NHEJ1: variants seen among roughly 807,000 people sequenced by gnomAD.
NHEJ1 encodes non-homologous end joining factor 1.
NHEJ1 carries 22 observed loss-of-function variants against 39.4 expected under a neutral mutation model. The ratio of observed to expected loss-of-function variants is 0.56; its 90% CI spans 0.40 to 0.80. The LOEUF (loss-of-function observed/expected upper bound fraction) is 0.80, where lower values mean the gene tolerates loss of function less well. Among genes scored for constraint, NHEJ1 ranks in the 30% least tolerant of loss-of-function variants. NHEJ1 has a pLI of 0.00. For missense variants in NHEJ1, 329 were observed against 357.1 expected, an observed-to-expected ratio of 0.92 and a Z score of 0.63; for synonymous variants, 154 against 135.6, an observed-to-expected ratio of 1.14 and a Z score of -0.94.
chr2:219,078,377 G>A (rs1165229742), intron 5 of NHEJ1, among the ~76,000 whole-genome samples, 171 bp from the exon 6 acceptor site: 1 of 152,124 alleles, frequency 6.6e-6, no homozygotes, highest in African/African-American at 2.4e-5. Flanking sequence ...AAGATTTCTT[G>A]GGACATCTCC....
At chr2:219,115,914 G>A (rs186463324) in intron 5 of NHEJ1, among the ~76,000 whole-genome samples, 14 of 152,290 alleles carry the variant, frequency 9.2e-5, no homozygotes, top group African/African-American at 3.4e-4. Context: ...GAGGTCAAGA[G>A]ATCGAGACCA....
chr2:219,129,292 A>G (rs915025066), intron 5 of NHEJ1, among the ~76,000 whole-genome samples: 1 of 152,204 alleles, frequency 6.6e-6, no homozygotes, highest in African/African-American at 2.4e-5. Flanking sequence ...TTTAGAACCA[A>G]AGATCAAAAA....
intron 5 of NHEJ1, among the ~76,000 whole-genome samples, chr2:219,083,254 T>C (rs1457156364): frequency 1.3e-5 from 2 of 152,110 alleles, no homozygotes; most frequent in Admixed American, 1.3e-4. Flanking sequence ...AATGGTACTA[T>C]TACCATCCAA....
At chr2:219,128,301 C>T (rs191464885) in intron 5 of NHEJ1, among the ~76,000 whole-genome samples, 16 of 152,288 alleles carry the variant, frequency 1.1e-4, no homozygotes, top group Non-Finnish European at 8.8e-5. Flanking sequence ...AGTTTGAGTA[C>T]TATTGAACTT....
intron 5 of NHEJ1, among the ~76,000 whole-genome samples, chr2:219,118,794 C>G (rs1453119881): frequency 2.6e-5 from 4 of 152,174 alleles, no homozygotes; most frequent in African/African-American, 9.7e-5. Flanking sequence ...TGGAGACAGC[C>G]CGGCGGGCTT....
At chr2:219,159,611 A>ATGCATATATATATG (rs1313965775) in intron 1 of NHEJ1, among the ~76,000 whole-genome samples, 10 of 105,080 alleles carry the variant, frequency 9.5e-5, no homozygotes, top group African/African-American at 3.5e-4. Context: ...GCATATATAT[A>ATGCATATATATATG]CATATACGTG....
At chr2:219,079,670 T>G (rs959940661) in intron 5 of NHEJ1, among the ~76,000 whole-genome samples, 1 of 152,164 alleles carries the variant, frequency 6.6e-6, no homozygotes, top group East Asian at 1.9e-4. Context: ...CAGCATTCCC[T>G]GAGGAATGAA....
At chr2:219,116,279 CT>C (rs1327696869) in intron 5 of NHEJ1, among the ~76,000 whole-genome samples, 1 of 152,088 alleles carries the variant, frequency 6.6e-6, no homozygotes, top group African/African-American at 2.4e-5. Flanking sequence ...TTCTTGATTT[CT>C]TTTTTCTTTT....
intron 5 of NHEJ1, among the ~76,000 whole-genome samples, chr2:219,132,206 A>C (rs1019723416): frequency 2.0e-5 from 3 of 152,228 alleles, no homozygotes; most frequent in Non-Finnish European, 2.9e-5. Flanking sequence ...TGAGCAATGT[A>C]TTTATAAACT....
At chr2:219,097,867 C>G (rs1949223561) in intron 5 of NHEJ1, among the ~76,000 whole-genome samples, 1 of 152,094 alleles carries the variant, frequency 6.6e-6, no homozygotes, top group Non-Finnish European at 1.5e-5. Context: ...TGATCACCAA[C>G]AGAGCAAATG....
chr2:219,150,774 G>A lies in NHEJ1; in HGVS notation c.391-2979C>T, dbSNP rs1223296223. On this transcript the variant is annotated intron_variant, in intron 3 of 7. Transcript: ENST00000356853. ...AGTTCAAGATCAGCCTGGCCAACAC[G>A]GTGAAACCCCGTCTCTACTAAAAAT... is the stretch of plus-strand genomic sequence containing the variant. Among the ~76,000 whole-genome samples the A allele has an allele frequency of 6.6e-5, 10 of 152,048 alleles. No individual in the cohort carries two copies. The East Asian group carries it at 1.5e-3, about 23-fold the overall frequency.
Position 219,076,956 on chromosome 2 carries a change from T to C in NHEJ1, c.825+290A>G, listed in dbSNP as rs34828046. Among the ~76,000 whole-genome samples the C allele has an allele frequency of 0.032, 4,921 of 152,266 alleles. 130 individuals are homozygous for C. The highest frequency in any genetic ancestry group is 0.046 in the Non-Finnish European group (3,128 of 68,028). ...GTAGATTCCCTTCTCCCCCAAGGAATAGCCTCGCTGACTATCACTGGTCAT... is the reference window on the plus strand; with the variant it reads ...GTAGATTCCCTTCTCCCCCAAGGAACAGCCTCGCTGACTATCACTGGTCAT... On this transcript the variant is annotated intron_variant, in intron 7 of 7. Coordinates refer to ENST00000356853, the MANE Select transcript of NHEJ1 (RefSeq NM_024782.3).
In NHEJ1 at chr2:219,072,257, T is replaced by C. The variant is rs1254096132; in HGVS notation, c.*4124A>G. On this transcript the variant is annotated 3_prime_UTR_variant, in exon 8 of 8. Transcript: ENST00000356853. Reference sequence around the variant, plus strand: ...CCTGTAGCAGCTTCCAGGGCATCAATGCAGCTGGGAACCCCCCTCCTATAA... The same window carrying C: ...CCTGTAGCAGCTTCCAGGGCATCAACGCAGCTGGGAACCCCCCTCCTATAA... 6.6e-6 allele frequency among the ~76,000 whole-genome samples: 1 copy of C among 152,196 alleles called. No homozygotes were observed. Among genetic ancestry groups the C allele is most frequent in the African/African-American group, 2.4e-5 (1 of 41,444 alleles).
intron 5 of NHEJ1, among the ~76,000 whole-genome samples, chr2:219,084,678 T>C (rs563974572): frequency 6.6e-6 from 1 of 152,332 alleles, no homozygotes; most frequent in Admixed American, 6.5e-5. Context: ...ATGAGGCTGA[T>C]GGAAGGATTC....
chr2:219,077,477 A>G, intron 6 of NHEJ1, 113 bp from the exon 7 acceptor site: 2 of 848,778 alleles, frequency 2.4e-6, no homozygotes, highest in South Asian at 2.7e-5. Context: ...CAAATATATA[A>G]GCAGACAGAA....
chr2:219,094,704 G>A (rs1305266260), intron 5 of NHEJ1, among the ~76,000 whole-genome samples: 1 of 152,054 alleles, frequency 6.6e-6, no homozygotes, highest in Non-Finnish European at 1.5e-5. Context: ...CCACTTCCTT[G>A]CAGGAAGTTA....
chr2:219,105,166 T>C (rs1574715117), intron 5 of NHEJ1, among the ~76,000 whole-genome samples: 1 of 152,326 alleles, frequency 6.6e-6, no homozygotes, highest in Non-Finnish European at 1.5e-5. Flanking sequence ...AGAAAGTATA[T>C]TATAAAATAA....
chr2:219,137,595 A>AAAAAAAAAAAAAAAAGAAAAAAAAAAAC (rs143557047), intron 5 of NHEJ1, among the ~76,000 whole-genome samples: 3 of 82,668 alleles, frequency 3.6e-5, no homozygotes, highest in Admixed American at 1.2e-4. Flanking sequence ...AAAAAAAACA[A>AAAAAAAAAAAAAAAAGAAAAAAAAAAAC]AAAAAACTGA....
Position 219,099,052 on chromosome 2 carries a change from GTAGGA to G in NHEJ1, c.589-20851_589-20847del, listed in dbSNP as rs1949233205. Among the ~76,000 whole-genome samples the G allele has an allele frequency of 3.9e-5, 6 of 152,276 alleles. No individual in the cohort carries two copies. In the South Asian group the frequency reaches 1.2e-3, roughly 32 times the overall value. ...TAAGGTCAATGGGCTGGAGCTCTCT[GTAGGA>G]TTAAAGGAATGTTGAGTCAAGGTAG... On this transcript the variant is annotated intron_variant, in intron 5 of 7. Coordinates refer to ENST00000356853, the MANE Select transcript of NHEJ1 (RefSeq NM_024782.3).
Sources: gnomAD v4.1 joint callset for allele counts (sites outside exome capture counted in the v4.1 genomes callset) on GRCh38, gnomAD v4.1.1 for gene constraint, MANE v1.5 for transcripts, NCBI Gene and HGNC (gene_info 2026-07-23, HGNC 2026-07-21) for gene names.